The following IQCJ variants were observed in gnomAD, a reference collection of about 807,000 sequenced individuals.
The protein encoded by IQCJ is IQ domain-containing protein J.
A neutral mutation model predicts 11.0 loss-of-function variants in IQCJ; 9 were observed. That is an observed-to-expected ratio of 0.82 (90% CI 0.49 to 1.43). The LOEUF (loss-of-function observed/expected upper bound fraction) is 1.43, where lower values mean the gene tolerates loss of function less well. Ranked by LOEUF, IQCJ falls within the 40% of genes most tolerant of loss-of-function variation. The pLI, the probability that IQCJ is intolerant of heterozygous loss-of-function variation, is 0.00. For missense variants in IQCJ, 146 were observed against 133.2 expected (o/e 1.10, Z -0.47); for synonymous variants, 55 against 51.3 (o/e 1.07, Z -0.31).
chr3:159,196,517 T>A (rs892758183), intron 1 of IQCJ, among the ~76,000 whole-genome samples: 1 of 152,128 alleles, frequency 6.6e-6, no homozygotes, highest in Non-Finnish European at 1.5e-5. Flanking sequence ...TTTTGGAAGT[T>A]CTCCAGGTGA....
At chr3:159,078,872 G>A (rs1299748824) in intron 1 of IQCJ, among the ~76,000 whole-genome samples, 5 of 152,036 alleles carry the variant, frequency 3.3e-5, no homozygotes, top group African/African-American at 1.2e-4. Context: ...TTCCATGGCT[G>A]CTGTTAAGAT....
intron 1 of IQCJ, among the ~76,000 whole-genome samples, chr3:159,145,186 T>C (rs1720855192): frequency 6.6e-6 from 1 of 152,200 alleles, no homozygotes; most frequent in Admixed American, 6.5e-5. Flanking sequence ...GCTGAATTGA[T>C]TTATTTCAGA....
chr3:159,125,796 T>C (rs1237820601), intron 1 of IQCJ, among the ~76,000 whole-genome samples: 1 of 152,190 alleles, frequency 6.6e-6, no homozygotes, highest in Admixed American at 6.5e-5. Flanking sequence ...AATCCAAATA[T>C]GGAACTGATT....
intron 1 of IQCJ, among the ~76,000 whole-genome samples, chr3:159,224,068 T>TAAA (rs201823582): frequency 7.5e-6 from 1 of 134,146 alleles, no homozygotes; most frequent in African/African-American, 2.7e-5. Flanking sequence ...CATTTCCCAC[T>TAAA]AAAAAAAAAA....
intron 1 of IQCJ, among the ~76,000 whole-genome samples, chr3:159,087,869 G>C (rs1024895709): frequency 6.6e-6 from 1 of 150,418 alleles, no homozygotes; most frequent in Non-Finnish European, 1.5e-5. Context: ...CAAAAAACCA[G>C]CTCCTGGATT....
intron 1 of IQCJ, among the ~76,000 whole-genome samples, chr3:159,086,573 T>G (rs1716791070): frequency 6.6e-6 from 1 of 152,196 alleles, no homozygotes. Context: ...TCCATTTGTT[T>G]GTATCCTCTT....
intron 1 of IQCJ, among the ~76,000 whole-genome samples, chr3:159,240,720 T>C (rs1560039050): frequency 6.6e-6 from 1 of 150,514 alleles, no homozygotes; most frequent in Admixed American, 6.6e-5. Flanking sequence ...GAGGCCGAGG[T>C]CCAGCACTAC....
chr3:159,156,699 G>A (rs181801432), intron 1 of IQCJ, among the ~76,000 whole-genome samples: 2 of 152,282 alleles, frequency 1.3e-5, no homozygotes, highest in East Asian at 3.9e-4. Context: ...TAGAAGAGGT[G>A]TAAAGAGACA....
chr3:159,143,130 A>G (rs1720722870), intron 1 of IQCJ, among the ~76,000 whole-genome samples: 1 of 152,220 alleles, frequency 6.6e-6, no homozygotes, highest in Non-Finnish European at 1.5e-5. Context: ...TGTTTTTGGA[A>G]CAAAACACTG....
intron 1 of IQCJ, among the ~76,000 whole-genome samples, chr3:159,078,581 G>A (rs1397714280): frequency 2.0e-5 from 3 of 151,278 alleles, no homozygotes; most frequent in East Asian, 2.0e-4. Context: ...GCAGTCAAGG[G>A]CATGGCTATA....
chr3:159,244,450 A>T (rs140536554), intron 1 of IQCJ, among the ~76,000 whole-genome samples: 4 of 152,120 alleles, frequency 2.6e-5, no homozygotes, highest in Non-Finnish European at 5.9e-5. Context: ...TGCAGGGGAG[A>T]AGGTGGGCTC....
chr3:159,130,840 T>C (rs1719950224), intron 1 of IQCJ, among the ~76,000 whole-genome samples: 1 of 152,220 alleles, frequency 6.6e-6, no homozygotes, highest in Non-Finnish European at 1.5e-5. Context: ...TTTACTTTTC[T>C]ATAGAAATAT....
intron 2 of IQCJ, among the ~76,000 whole-genome samples, chr3:159,249,149 C>T (rs753808344): frequency 4.3e-4 from 65 of 152,280 alleles, no homozygotes; most frequent in Middle Eastern, 3.4e-3. Flanking sequence ...AGCCACTGCG[C>T]TCAACCCATT....
At chr3:159,248,460 C>T (rs753427368) in intron 2 of IQCJ, among the ~76,000 whole-genome samples, 8 of 152,186 alleles carry the variant, frequency 5.3e-5, no homozygotes, top group Non-Finnish European at 1.2e-4. Context: ...TATATGTAAA[C>T]AATAACTAAA....
chr3:159,131,625 A>C (rs917202024), intron 1 of IQCJ, among the ~76,000 whole-genome samples: 20 of 151,992 alleles, frequency 1.3e-4, no homozygotes, highest in Non-Finnish European at 2.9e-5. Context: ...ACAGCTGTCT[A>C]CTGTTGTAAG....
At chr3:159,169,731 T>C (rs77675079) in intron 1 of IQCJ, among the ~76,000 whole-genome samples, 3,240 of 152,282 alleles carry the variant, frequency 0.021, 123 homozygotes, top group African/African-American at 0.075. Context: ...TTGGACCCAA[T>C]TGTACTCCTT....
intron 1 of IQCJ, among the ~76,000 whole-genome samples, chr3:159,141,387 G>C (rs1720594783): frequency 6.6e-6 from 1 of 152,184 alleles, no homozygotes. Context: ...TGTATTAAGG[G>C]TTTTAATGAG....
intron 1 of IQCJ, among the ~76,000 whole-genome samples, chr3:159,082,443 A>G (rs1716382113): frequency 6.6e-6 from 1 of 152,006 alleles, no homozygotes; most frequent in Non-Finnish European, 1.5e-5. Flanking sequence ...TGAGGATGCA[A>G]TTCTTCCTGG....
rs190496475 is a variant in IQCJ at position 159,223,309 on chromosome 3, C to T, written c.10-22534C>T. 5.3e-5 allele frequency among the ~76,000 whole-genome samples: 8 copies of T among 151,992 alleles called. No individual in the cohort carries two copies. The East Asian group carries it at 5.8e-4, about 11-fold the overall frequency. On this transcript the variant is annotated intron_variant, in intron 1 of 3. Transcript: ENST00000397832. ...AAAAAGGAAAGAATATAATAGGTAGCGGCCATATGCAATTATATAGATATA... is the reference window on the plus strand; with the variant it reads ...AAAAAGGAAAGAATATAATAGGTAGTGGCCATATGCAATTATATAGATATA...
Sources: allele counts gnomAD v4.1 joint callset (sites outside exome capture counted in the v4.1 genomes callset), GRCh38; gene constraint gnomAD v4.1.1; transcripts MANE v1.5; gene names NCBI Gene and HGNC (gene_info 2026-07-23, HGNC 2026-07-21).